FER1L6: variants seen among roughly 807,000 people sequenced by gnomAD.
FER1L6 encodes the protein fer-1 like family member 6.
Under a neutral mutation model 219.2 loss-of-function variants are expected in FER1L6, and 177 were observed. The observed-to-expected ratio is 0.81, with a 90% CI of 0.71 to 0.91. The LOEUF is 0.91. Ranked by LOEUF, FER1L6 falls within the 40% of genes least tolerant of loss-of-function variation. The pLI, the probability that FER1L6 is intolerant of heterozygous loss-of-function variation, is 0.00. For synonymous variants in FER1L6, 768 were observed against 824.3 expected, an observed-to-expected ratio of 0.93 and a Z score of 1.17; for missense variants, 2,153 against 2,259.9, an observed-to-expected ratio of 0.95 and a Z score of 0.96.
At chr8:123,968,504 T>C (rs1297475885) in intron 5 of FER1L6, among the ~76,000 whole-genome samples, 3 of 152,172 alleles carry the variant, frequency 2.0e-5, no homozygotes, top group African/African-American at 4.8e-5. Flanking sequence ...CTGAAACATA[T>C]GAAACCCATC....
chr8:123,869,334 T>A (rs1204180452), intron 1 of FER1L6, among the ~76,000 whole-genome samples: 3 of 152,158 alleles, frequency 2.0e-5, no homozygotes, highest in Non-Finnish European at 2.9e-5. Context: ...CCCGAGCACA[T>A]CTCTTCCCCT....
chr8:123,867,343 T>C (rs1816853393), intron 1 of FER1L6, among the ~76,000 whole-genome samples: 1 of 152,226 alleles, frequency 6.6e-6, no homozygotes, highest in Admixed American at 6.5e-5. Context: ...GCTCAACCTG[T>C]TGATTTTGTA....
At chr8:123,981,678 C>G (rs1184661586) in intron 11 of FER1L6, among the ~76,000 whole-genome samples, 1 of 152,016 alleles carries the variant, frequency 6.6e-6, no homozygotes, top group Admixed American at 6.5e-5. Context: ...TTGCTGGGAC[C>G]TAATAAATCT....
chr8:123,943,095 A>C (rs1814329205), intron 1 of FER1L6, among the ~76,000 whole-genome samples: 1 of 152,224 alleles, frequency 6.6e-6, no homozygotes, highest in Non-Finnish European at 1.5e-5. Context: ...GTACAATAAC[A>C]ATACTGCCTT....
intron 33 of FER1L6, among the ~76,000 whole-genome samples, chr8:124,083,373 CTT>C (rs1334887454): frequency 2.0e-5 from 3 of 152,062 alleles, no homozygotes; most frequent in African/African-American, 7.2e-5. Context: ...AACCTAATGT[CTT>C]TAATTCATGT....
At chr8:123,859,324 G>A (rs1035139479) in intron 1 of FER1L6, among the ~76,000 whole-genome samples, 19 of 152,088 alleles carry the variant, frequency 1.2e-4, no homozygotes, top group Non-Finnish European at 2.8e-4. Context: ...TCAATGTGAT[G>A]TTTTGATCTA....
Position 123,852,513 on chromosome 8 carries a change from T to TGTGTGTGTG in FER1L6, c.-8+328_-8+329insGTGTGTGTG, listed in dbSNP as rs55750983. Among the ~76,000 whole-genome samples, 1 of 132,170 alleles carries TGTGTGTGTG rather than the reference T, an allele frequency of 7.6e-6. No homozygotes were observed. The highest frequency in any genetic ancestry group is 2.4e-4 in the South Asian group (1 of 4,142). The allele number at this position is 132,170 out of a possible 152,430, so 86.7% of individuals were successfully genotyped here. ...GTGTGTGTGTGTGTGTGTGTGTGTGTTTGACAGAGACAGAGGGAGGAGAAA... is the reference window on the plus strand; with the variant it reads ...GTGTGTGTGTGTGTGTGTGTGTGTGTGTGTGTGTGTTGACAGAGACAGAGGGAGGAGAAA... On this transcript the variant is annotated intron_variant, in intron 1 of 40. Coordinates refer to ENST00000522917, the MANE Select transcript of FER1L6 (RefSeq NM_001039112.2). This position sits in a 1 kb window ranked among gnomAD's most constrained non-coding sequence, Gnocchi z 4.9.
intron 22 of FER1L6, among the ~76,000 whole-genome samples, chr8:124,056,907 G>A (rs1342169954): frequency 3.3e-5 from 5 of 152,114 alleles, no homozygotes; most frequent in Admixed American, 6.5e-5. Context: ...AGCTGGGCGC[G>A]GTGGCGTGCA....
chr8:124,101,662 G>A (rs1822553573), intron 38 of FER1L6, among the ~76,000 whole-genome samples: 1 of 152,192 alleles, frequency 6.6e-6, no homozygotes, highest in Non-Finnish European at 1.5e-5. Context: ...GAGGGGCGGA[G>A]CTGTAATTGT....
rs200525587 is a variant in FER1L6 at position 123,975,290 on chromosome 8, G to A, written c.667G>A (p.Glu223Lys). The part of the protein sequence containing the change: ...LKTSPKTSDT[E>K]EPIEKNLLIP... ...GACCAGCCCTAAAACTTCTGACACC[G>A]AGGAGCCAATAGAAAAGTAAGACAG... The change falls in exon 8 of 41, where the codon GAG (glutamate) becomes AAG (lysine). Residue 223 changes from glutamate to lysine, a missense_variant. Transcript: ENST00000522917. 424 of 1,609,630 alleles carry A rather than the reference G, an allele frequency of 2.6e-4. No homozygotes were observed. Among genetic ancestry groups the A allele is most frequent in the Non-Finnish European group, 3.4e-4 (398 of 1,177,660 alleles).
chr8:123,982,779 A>G (rs1432432765), intron 11 of FER1L6, among the ~76,000 whole-genome samples: 1 of 152,164 alleles, frequency 6.6e-6, no homozygotes, highest in Non-Finnish European at 1.5e-5. Context: ...CCCACTTTGA[A>G]GATGGCTCCT....
intron 1 of FER1L6, among the ~76,000 whole-genome samples, chr8:123,859,887 A>T (rs1816714047): frequency 6.8e-6 from 1 of 146,844 alleles, no homozygotes; most frequent in Non-Finnish European, 1.5e-5. Flanking sequence ...TGAACTCATC[A>T]TTTTTTATGG....
At chr8:124,117,215 C>T (rs1206585274) in intron 39 of FER1L6, among the ~76,000 whole-genome samples, 1 of 152,196 alleles carries the variant, frequency 6.6e-6, no homozygotes, top group African/African-American at 2.4e-5. Flanking sequence ...GTTACTTGAT[C>T]TCTGTGATTT....
chr8:123,978,084 G>T (rs573004815), intron 10 of FER1L6, among the ~76,000 whole-genome samples: 2 of 152,112 alleles, frequency 1.3e-5, no homozygotes, highest in African/African-American at 4.8e-5. Context: ...AGTTGGTTCA[G>T]GGCAATGGAT....
At chr8:123,961,982 TG>T (rs1670627648) in intron 2 of FER1L6, among the ~76,000 whole-genome samples, 1 of 150,724 alleles carries the variant, frequency 6.6e-6, no homozygotes, top group Non-Finnish European at 1.5e-5. Flanking sequence ...CTCCACCTAC[TG>T]GGTTCAAGCG....
At chr8:123,958,569 T>C (rs924009681) in intron 2 of FER1L6, among the ~76,000 whole-genome samples, 8 of 152,132 alleles carry the variant, frequency 5.3e-5, no homozygotes, top group Non-Finnish European at 8.8e-5. Flanking sequence ...GCAAGATCTT[T>C]TGTGGTATTC....
chr8:124,089,641 T>C (rs958517839), intron 33 of FER1L6, among the ~76,000 whole-genome samples: 9 of 152,348 alleles, frequency 5.9e-5, no homozygotes, highest in East Asian at 1.9e-4. Context: ...TTTAAGAGTA[T>C]GGCATAATTT....
chr8:123,997,415 C>A (rs1251095094), intron 12 of FER1L6, among the ~76,000 whole-genome samples: 1 of 152,030 alleles, frequency 6.6e-6, no homozygotes, highest in African/African-American at 2.4e-5. Flanking sequence ...TATGTTATTT[C>A]TTTTCTCTTG....
At chr8:123,951,791 G>A (rs578024536) in intron 1 of FER1L6, among the ~76,000 whole-genome samples, 101 of 152,310 alleles carry the variant, frequency 6.6e-4, no homozygotes, top group African/African-American at 2.2e-3. Flanking sequence ...CCCCAGCCCC[G>A]TACTGGGTGT....
Sources: allele counts gnomAD v4.1 joint callset (sites outside exome capture counted in the v4.1 genomes callset), GRCh38; gene constraint gnomAD v4.1.1; non-coding constraint Gnocchi (gnomAD v3.1); transcripts MANE v1.5; gene names NCBI Gene and HGNC (gene_info 2026-07-23, HGNC 2026-07-21).